The following PSD3 variants were observed in gnomAD, a reference collection of about 807,000 sequenced individuals.
PSD3 encodes the protein pleckstrin and Sec7 domain containing 3, also known as PH and SEC7 domain-containing protein 3.
PSD3 carries 49 observed loss-of-function variants against 105.5 expected under a neutral mutation model. The observed-to-expected ratio is 0.46, with a 90% CI of 0.37 to 0.59. PSD3 has a LOEUF of 0.59. Ranked by LOEUF, PSD3 falls within the 20% of genes least tolerant of loss-of-function variation. The pLI is 0.00. For synonymous variants in PSD3, 557 were observed against 457.8 expected, an observed-to-expected ratio of 1.22 and a Z score of -2.77; for missense variants, 1,561 against 1,263.8, an observed-to-expected ratio of 1.24 and a Z score of -3.57.
intron 1 of PSD3, among the ~76,000 whole-genome samples, chr8:19,044,155 G>T (rs1529349): frequency 0.19 from 28,475 of 152,164 alleles, 4,325 homozygotes; most frequent in African/African-American, 0.42. Context: ...TTCGTTTTCA[G>T]GACCTTTCCA....
intron 4 of PSD3, among the ~76,000 whole-genome samples, chr8:18,856,559 G>A (rs1586237729): frequency 6.6e-6 from 1 of 152,276 alleles, no homozygotes; most frequent in African/African-American, 2.4e-5. Flanking sequence ...GGATTGCTTC[G>A]CAATAGTAAC....
chr8:18,691,921 G>C (rs1434628429), intron 9 of PSD3, among the ~76,000 whole-genome samples: 2 of 152,130 alleles, frequency 1.3e-5, no homozygotes, highest in Non-Finnish European at 2.9e-5. Flanking sequence ...GACAGAGAGG[G>C]AGCCACTTTT....
At chr8:18,928,341 A>G (rs1380523093) in intron 2 of PSD3, among the ~76,000 whole-genome samples, 1 of 152,124 alleles carries the variant, frequency 6.6e-6, no homozygotes, top group Non-Finnish European at 1.5e-5. Flanking sequence ...GTCTTCCACC[A>G]TGATTGTGAG....
chr8:18,758,358 C>T (rs181497445), intron 9 of PSD3, among the ~76,000 whole-genome samples: 2 of 151,208 alleles, frequency 1.3e-5, no homozygotes, highest in Admixed American at 1.3e-4. Flanking sequence ...TTCCAATCTT[C>T]TCCCTGGCTG....
At chr8:19,057,924 C>T (rs73668922) in intron 1 of PSD3, among the ~76,000 whole-genome samples, 2,246 of 152,280 alleles carry the variant, frequency 0.015, 57 homozygotes, top group African/African-American at 0.051. Context: ...TATGACCCAG[C>T]TATCCCACTC....
intron 2 of PSD3, among the ~76,000 whole-genome samples, chr8:18,909,109 A>C (rs1032608809): frequency 3.9e-5 from 6 of 152,222 alleles, no homozygotes; most frequent in Admixed American, 3.3e-4. Flanking sequence ...GATATTTAGC[A>C]ATCATCATCA....
rs1353183475 is a variant in PSD3 at position 18,936,045 on chromosome 8, G to A, written c.119C>T (p.Ala40Val). ...EFLFGRSEGK[A>V]PDTSDHGGST... Reference sequence around the variant, plus strand: ...GAGGAAATACTTACTAGTATCTGGAGCTTTCCCTTCAGATCTGCCAAATAA... The same window carrying A: ...GAGGAAATACTTACTAGTATCTGGAACTTTCCCTTCAGATCTGCCAAATAA... The change falls in exon 2 of 16, where the codon GCT becomes GTT. Residue 40 changes from alanine to valine, a missense_variant. Transcript: ENST00000327040. The A allele has an allele frequency of 6.2e-7, 1 of 1,607,634 alleles. No homozygotes were observed. The highest frequency in any genetic ancestry group is 8.5e-7 in the Non-Finnish European group (1 of 1,174,802).
chr8:18,976,696 A>G (rs1269411557), intron 1 of PSD3, among the ~76,000 whole-genome samples: 1 of 152,230 alleles, frequency 6.6e-6, no homozygotes, highest in Non-Finnish European at 1.5e-5. Flanking sequence ...CAGTATTACT[A>G]ATAATAATAT....
At chr8:18,956,457 C>T (rs1451710047) in intron 1 of PSD3, among the ~76,000 whole-genome samples, 1 of 152,134 alleles carries the variant, frequency 6.6e-6, no homozygotes, top group Non-Finnish European at 1.5e-5. Flanking sequence ...ACTGGAGAGG[C>T]AGATTCTCTC....
chr8:18,738,329 C>A (rs1004161801), intron 9 of PSD3, among the ~76,000 whole-genome samples: 9 of 152,160 alleles, frequency 5.9e-5, no homozygotes, highest in Non-Finnish European at 1.0e-4. Flanking sequence ...CTCACTATCT[C>A]TCTGAAACTC....
chr8:18,685,311 G>T (rs1306664852), intron 9 of PSD3, among the ~76,000 whole-genome samples: 2 of 152,064 alleles, frequency 1.3e-5, no homozygotes, highest in Non-Finnish European at 2.9e-5. Context: ...TTAATGTCAG[G>T]TAACTGTTTC....
intron 9 of PSD3, among the ~76,000 whole-genome samples, chr8:18,665,268 T>C (rs1304217840): frequency 6.6e-6 from 1 of 152,086 alleles, no homozygotes; most frequent in Non-Finnish European, 1.5e-5. Context: ...TCATGGGAGG[T>C]CAAAATATCA....
At chr8:18,973,824 T>A (rs1256429970) in intron 1 of PSD3, among the ~76,000 whole-genome samples, 3 of 152,214 alleles carry the variant, frequency 2.0e-5, no homozygotes, top group African/African-American at 7.2e-5. Flanking sequence ...AACTATAGAA[T>A]ATGAGTTACT....
At chr8:18,905,355 G>A (rs539895386) in intron 2 of PSD3, among the ~76,000 whole-genome samples, 3 of 152,198 alleles carry the variant, frequency 2.0e-5, no homozygotes, top group South Asian at 4.2e-4. Context: ...ACGGAGTCTT[G>A]CTCTGTTGCC....
At chr8:19,066,524 A>C (rs985487634) in intron 1 of PSD3, among the ~76,000 whole-genome samples, 11 of 152,214 alleles carry the variant, frequency 7.2e-5, no homozygotes, top group African/African-American at 2.7e-4. Context: ...ACAGTACATC[A>C]GGTACTGCAG....
intron 1 of PSD3, among the ~76,000 whole-genome samples, chr8:19,061,625 G>A (rs183804205): frequency 2.6e-3 from 396 of 152,172 alleles, no homozygotes; most frequent in African/African-American, 9.3e-3. Flanking sequence ...GACCAATGTG[G>A]TGAAACCCTG....
At chr8:18,690,751 C>CT in intron 9 of PSD3, among the ~76,000 whole-genome samples, 1 of 152,258 alleles carries the variant, frequency 6.6e-6, no homozygotes, top group Non-Finnish European at 1.5e-5. Context: ...CGGGCTACCT[C>CT]TTCCTCGCTG....
At chr8:18,900,563 A>G (rs529629944) in intron 2 of PSD3, among the ~76,000 whole-genome samples, 4 of 150,384 alleles carry the variant, frequency 2.7e-5, no homozygotes, top group South Asian at 4.3e-4. Context: ...GGTACTTTGT[A>G]TGGGTTCCAC....
intron 2 of PSD3, among the ~76,000 whole-genome samples, chr8:18,927,844 G>A (rs1821473900): frequency 6.6e-6 from 1 of 152,062 alleles, no homozygotes; most frequent in African/African-American, 2.4e-5. Context: ...CAGGAAATGG[G>A]GACAAAAACC....
Sources: allele counts gnomAD v4.1 joint callset (sites outside exome capture counted in the v4.1 genomes callset), GRCh38; gene constraint gnomAD v4.1.1; transcripts MANE v1.5; gene names NCBI Gene and HGNC (gene_info 2026-07-23, HGNC 2026-07-21).